The following CRELD1 variants were observed in gnomAD, a reference collection of about 807,000 sequenced individuals.
CRELD1 encodes protein disulfide isomerase CRELD1.
CRELD1 carries 42 observed loss-of-function variants against 58.2 expected under a neutral mutation model. The observed-to-expected ratio is 0.72, with a 90% CI of 0.56 to 0.93. CRELD1 has a LOEUF of 0.93. Ranked by LOEUF, CRELD1 falls within the 40% of genes least tolerant of loss-of-function variation. The pLI is 0.00. For missense variants in CRELD1, 500 were observed against 540.6 expected (o/e 0.92, Z 0.74); for synonymous variants, 222 against 202.0 (o/e 1.10, Z -0.84).
intron 7 of CRELD1, among the ~76,000 whole-genome samples, chr3:9,941,586 C>G (rs185420351): frequency 5.1e-4 from 78 of 151,776 alleles, no homozygotes; most frequent in African/African-American, 1.8e-3. Context: ...ATCAGGAGAT[C>G]GAGACCATCC....
At position 9,941,149 on chromosome 3, in the gene CRELD1, G is replaced by A. The variant is rs1261915850; in HGVS notation, c.676G>A (p.Glu226Lys). 4 of 1,614,074 alleles carry A rather than the reference G, an allele frequency of 2.5e-6. No individual in the cohort carries two copies. The highest frequency in any genetic ancestry group is 2.2e-5 in the East Asian group (1 of 44,876). The stretch of plus-strand genomic sequence containing the variant: ...CTGTGCCCGATGCTCAGGACCTGAG[G>A]AATCAAACTGTTTGCAATGCAAGAA... ...GPCARCSGPE[E>K]SNCLQCKKGW... Residue 226 changes from glutamate (E) to lysine (K), a missense_variant, in exon 7 of 11, where the codon GAA (glutamate) becomes AAA (lysine). Glu to Lys is a moderately conservative substitution (Grantham distance 56, BLOSUM62 1). Coordinates refer to ENST00000452070, the MANE Select transcript of CRELD1 (RefSeq NM_001077415.3).
At chr3:9,935,107 A>G in intron 3 of CRELD1, 190 bp downstream of exon 3, 1 of 586,140 alleles carries the variant, frequency 1.7e-6, no homozygotes, top group Non-Finnish European at 3.1e-6. Context: ...TAGAGAAGAC[A>G]AGCAGTGAAT....
chr3:9,942,271 CAA>C (rs374647905), intron 7 of CRELD1, among the ~76,000 whole-genome samples: 17 of 114,496 alleles, frequency 1.5e-4, no homozygotes, highest in Admixed American at 5.4e-4. Flanking sequence ...AACTCCATCT[CAA>C]AAAAAAAAAA....
chr3:9,940,529 G>A (rs1204350523), intron 5 of CRELD1, among the ~76,000 whole-genome samples: 2 of 151,986 alleles, frequency 1.3e-5, no homozygotes, highest in East Asian at 1.9e-4. Flanking sequence ...CCAGTCAGGC[G>A]TGGTGGCGCG....
chr3:9,940,801 A>G (rs2085344667), intron 5 of CRELD1, 49 bp from the exon 6 acceptor site: 1 of 1,540,976 alleles, frequency 6.5e-7, no homozygotes, highest in African/African-American at 1.4e-5. Context: ...ATTATCTTGT[A>G]TATCAAGGTT....
intron 10 of CRELD1, chr3:9,944,077 T>C: frequency 1.3e-6 from 1 of 798,444 alleles, no homozygotes. Context: ...AGTCTGACCG[T>C]GGAACGAGAC....
chr3:9,938,397 C>G, intron 5 of CRELD1: 1 of 412,288 alleles, frequency 2.4e-6, no homozygotes, highest in Non-Finnish European at 4.5e-6. Flanking sequence ...GACTATGGTA[C>G]CTTCCTGGGG....
Position 9,943,415 on chromosome 3 carries a change from A to G in CRELD1, c.948A>G (p.Gly316=), listed in dbSNP as rs1270007143. 2 of 1,613,942 alleles carry G rather than the reference A, an allele frequency of 1.2e-6. No homozygotes were observed. Among genetic ancestry groups the G allele is most frequent in the Admixed American group, 3.3e-5 (2 of 60,022 alleles). ...VDECETEVCP[G]ENKQCENTEG... ...AGTGTGAGACAGAGGTGTGTCCGGG[A>G]GAGAACAAGCAGTGTGAAAACACCG... Residue 316 remains glycine (G), a synonymous_variant, in exon 10 of 11, where the codon GGA becomes GGG. Coordinates refer to ENST00000452070, the MANE Select transcript of CRELD1 (RefSeq NM_001077415.3).
intron 5 of CRELD1, among the ~76,000 whole-genome samples, chr3:9,940,578 G>A (rs1052396308): frequency 6.6e-6 from 1 of 151,792 alleles, no homozygotes; most frequent in African/African-American, 2.4e-5. Flanking sequence ...TGAGGCAGGA[G>A]AATCAGGCAG....
intron 3 of CRELD1, among the ~76,000 whole-genome samples, chr3:9,935,365 G>A (rs374833570): frequency 2.0e-5 from 3 of 152,306 alleles, no homozygotes; most frequent in African/African-American, 7.2e-5. Context: ...CTTAAGCCTC[G>A]AGGGCTACAG....
At chr3:9,938,219 C>T in intron 5 of CRELD1, 113 bp downstream of exon 5, 1 of 825,268 alleles carries the variant, frequency 1.2e-6, no homozygotes, top group Non-Finnish European at 2.0e-6. Flanking sequence ...ATAAACTTCT[C>T]TGGACCTCAG....
chr3:9,941,561 C>T (rs570918727), intron 7 of CRELD1, among the ~76,000 whole-genome samples: 21 of 151,774 alleles, frequency 1.4e-4, no homozygotes, highest in Admixed American at 5.2e-4. Context: ...GAGGCCAAGG[C>T]GGGCAGATCA....
intron 3 of CRELD1, chr3:9,935,943 TG>T (rs2085180260): frequency 6.6e-6 from 1 of 152,142 alleles, no homozygotes; most frequent in South Asian, 2.1e-4. Context: ...AAGAAAGCCA[TG>T]GGAAGGATAC....
At chr3:9,934,947 AT>A in intron 3 of CRELD1, 30 bp downstream of exon 3, 1 of 1,556,952 alleles carries the variant, frequency 6.4e-7, no homozygotes, top group East Asian at 2.3e-5. Flanking sequence ...AGGGGTGTAT[AT>A]TCCCCTCCCC....
At chr3:9,939,258 T>G (rs972690904) in intron 5 of CRELD1, among the ~76,000 whole-genome samples, 4 of 152,174 alleles carry the variant, frequency 2.6e-5, no homozygotes, top group African/African-American at 9.6e-5. Context: ...GACAAAATAT[T>G]ATGTCATTAA....
At position 9,944,471 on chromosome 3, in the gene CRELD1, C is replaced by T. The variant is rs755848181; in HGVS notation, c.1155C>T (p.Gly385=). The change falls in exon 11 of 11, where the codon GGC becomes GGT. Residue 385 remains glycine, a synonymous_variant. Transcript: ENST00000452070. ...ICALATLAAK[G]DLVFTAIFIG... is the part of the protein sequence containing the mutation. ...CACTGGCCACGCTGGCTGCTAAGGG[C>T]GACTTGGTGTTCACCGCCATCTTCA... The T allele has an allele frequency of 3.9e-5, 63 of 1,613,430 alleles. No individual in the cohort carries two copies. The highest frequency in any genetic ancestry group is 3.2e-4 in the South Asian group (29 of 91,048).
In CRELD1 at chr3:9,937,829, C is replaced by T. The variant is rs116734713; in HGVS notation, c.368+157C>T. ...TGCTAAGAACTTGCCGGGGGACTTG[C>T]GCTCCACTTTGAGCCTCAGTTTACC... On this transcript the variant is annotated intron_variant, in intron 4 of 10. Transcript: ENST00000452070. Among the ~76,000 whole-genome samples, 1,064 of 152,250 alleles carry T rather than the reference C, an allele frequency of 7.0e-3. 10 individuals carry two copies. The highest frequency in any genetic ancestry group is 0.024 in the African/African-American group (1,008 of 41,540).
At position 9,934,811 on chromosome 3, in the gene CRELD1, C is replaced by T. The variant is rs112974440; in HGVS notation, c.175-24C>T. 4.9e-5 allele frequency: 79 copies of T among 1,599,970 alleles called. 3 individuals carry two copies. The Middle Eastern group carries it at 1.2e-3, about 23-fold the overall frequency. ...AGCATGTGCCAGGCACTGTACTTAG[C>T]TATTACTAATTTTCTGTTTCCAGGG... On this transcript the variant is annotated intron_variant, in intron 2 of 10. Transcript: ENST00000452070.
At chr3:9,939,536 C>G (rs559491660) in intron 5 of CRELD1, among the ~76,000 whole-genome samples, 1 of 151,592 alleles carries the variant, frequency 6.6e-6, no homozygotes, top group Non-Finnish European at 1.5e-5. Context: ...TGATGACTCT[C>G]AACCAGCATG....
Sources: allele counts gnomAD v4.1 joint callset (sites outside exome capture counted in the v4.1 genomes callset), GRCh38; gene constraint gnomAD v4.1.1; transcripts MANE v1.5; gene names NCBI Gene and HGNC (gene_info 2026-07-23, HGNC 2026-07-21).